Variants in XYLT1 observed in about 807,000 individuals in gnomAD.
The protein encoded by XYLT1 is xylosyltransferase 1.
A neutral mutation model predicts 91.3 loss-of-function variants in XYLT1; 36 were observed. That is an observed-to-expected ratio of 0.39 (90% CI 0.30 to 0.52). XYLT1 has a LOEUF of 0.52. Among genes scored for constraint, XYLT1 ranks in the 20% least tolerant of loss-of-function variants. The probability of loss-of-function intolerance (pLI) is 0.68; values close to 1 mark genes in which losing one functional copy is unlikely to be tolerated. For synonymous variants in XYLT1, 588 were observed against 532.0 expected, an observed-to-expected ratio of 1.11 and a Z score of -1.45; for missense variants, 1,242 against 1,284.5, an observed-to-expected ratio of 0.97 and a Z score of 0.51.
chr16:17,191,303 C>T (rs887018734), intron 5 of XYLT1, among the ~76,000 whole-genome samples: 12 of 152,196 alleles, frequency 7.9e-5, no homozygotes, highest in Admixed American at 2.0e-4. Context: ...TTGACCTATT[C>T]GGGTTCCACT....
chr16:17,290,988 G>A (rs933478486), intron 2 of XYLT1, among the ~76,000 whole-genome samples: 14 of 152,166 alleles, frequency 9.2e-5, no homozygotes, highest in Admixed American at 9.2e-4. Context: ...AGGCTGGAGT[G>A]CAATGGCGCA....
At chr16:17,289,865 C>A (rs1470104977) in intron 2 of XYLT1, among the ~76,000 whole-genome samples, 1 of 152,230 alleles carries the variant, frequency 6.6e-6, no homozygotes, top group Non-Finnish European at 1.5e-5. Context: ...CACACCCCGT[C>A]TCTGGGGCAA....
intron 9 of XYLT1, among the ~76,000 whole-genome samples, chr16:17,131,528 C>A (rs1451173282): frequency 6.6e-6 from 1 of 152,176 alleles, no homozygotes; most frequent in African/African-American, 2.4e-5. Flanking sequence ...GCAGGGGGCA[C>A]ACTGAGTGAT....
chr16:17,337,933 C>T (rs1024825493), intron 2 of XYLT1, among the ~76,000 whole-genome samples: 2 of 152,014 alleles, frequency 1.3e-5, no homozygotes, highest in Admixed American at 6.5e-5. Flanking sequence ...TGCGCCACCA[C>T]GTCCGGCTAA....
intron 1 of XYLT1, among the ~76,000 whole-genome samples, chr16:17,427,840 T>A (rs575520658): frequency 1.2e-4 from 18 of 152,018 alleles, no homozygotes; most frequent in East Asian, 3.9e-4. Flanking sequence ...TTTTTTTTTT[T>A]AAAACGTTCA....
At chr16:17,434,422 A>G (rs1259499840) in intron 1 of XYLT1, among the ~76,000 whole-genome samples, 1 of 152,236 alleles carries the variant, frequency 6.6e-6, no homozygotes, top group African/African-American at 2.4e-5. Flanking sequence ...TGTCTTTCGT[A>G]AGTATGCAAT....
At chr16:17,298,397 G>T (rs1223973870) in intron 2 of XYLT1, among the ~76,000 whole-genome samples, 1 of 152,166 alleles carries the variant, frequency 6.6e-6, no homozygotes, top group Non-Finnish European at 1.5e-5. Context: ...GGTGGCGAGT[G>T]CCCTCACTGT....
At chr16:17,431,267 C>T (rs1377563137) in intron 1 of XYLT1, among the ~76,000 whole-genome samples, 4 of 152,128 alleles carry the variant, frequency 2.6e-5, no homozygotes, top group African/African-American at 9.7e-5. Flanking sequence ...TGGCTTAGAG[C>T]GGCGCTTCTC....
At chr16:17,279,394 G>GAGTAA (rs1374433738) in intron 2 of XYLT1, among the ~76,000 whole-genome samples, 1 of 152,148 alleles carries the variant, frequency 6.6e-6, no homozygotes, top group Non-Finnish European at 1.5e-5. Flanking sequence ...TTCAACATTT[G>GAGTAA]AGTAAACAGA....
In XYLT1 at chr16:17,330,709, G is replaced by A. The variant is rs115923690; in HGVS notation, c.402+27303C>T. 6.1e-3 allele frequency among the ~76,000 whole-genome samples: 923 copies of A among 151,908 alleles called. 9 individuals carry two copies. The highest frequency in any genetic ancestry group is 0.021 in the African/African-American group (874 of 41,404). On this transcript the variant is annotated intron_variant, in intron 2 of 11. Coordinates refer to ENST00000261381, the MANE Select transcript of XYLT1 (RefSeq NM_022166.4). ...CTCGGGAGGCTGAGGCAGGAGAATC[G>A]CTTGAACCCGGGAGGCGGAGGTAGT...
chr16:17,141,060 C>T (rs2030958218), intron 7 of XYLT1, 93 bp downstream of exon 7: 6 of 1,291,630 alleles, frequency 4.6e-6, no homozygotes, highest in Admixed American at 3.7e-5. Flanking sequence ...TAGGTGGACC[C>T]AGAATCTCTT....
At chr16:17,123,293 G>C (rs2030138294) in intron 10 of XYLT1, among the ~76,000 whole-genome samples, 1 of 152,108 alleles carries the variant, frequency 6.6e-6, no homozygotes. Context: ...TCTCCTTGGT[G>C]GGTTTGGGTT....
At chr16:17,366,707 C>A (rs1284259961) in intron 1 of XYLT1, among the ~76,000 whole-genome samples, 3 of 152,080 alleles carry the variant, frequency 2.0e-5, no homozygotes, top group African/African-American at 7.2e-5. Context: ...AACAAACAAA[C>A]AAACAAACAA....
intron 2 of XYLT1, among the ~76,000 whole-genome samples, chr16:17,332,246 T>C (rs2141839215): frequency 6.6e-6 from 1 of 152,198 alleles, no homozygotes; most frequent in South Asian, 2.1e-4. Context: ...ACTTCAACCA[T>C]GGGGTGAAGT....
At chr16:17,237,092 C>G (rs1463461) in intron 3 of XYLT1, among the ~76,000 whole-genome samples, 85,846 of 152,018 alleles carry the variant, frequency 0.56, 25,244 homozygotes, top group Admixed American at 0.69. Flanking sequence ...GAACAATGTT[C>G]AGGTGAGTCT....
At chr16:17,138,955 T>TTGA (rs2030875274) in intron 7 of XYLT1, among the ~76,000 whole-genome samples, 1 of 152,138 alleles carries the variant, frequency 6.6e-6, no homozygotes, top group Admixed American at 6.5e-5. Flanking sequence ...GGAGACCAGA[T>TTGA]TGATGGTTGC....
rs1467329663 is a variant in XYLT1 at position 17,158,865 on chromosome 16, A to G, written c.1334T>C (p.Met445Thr). The change falls in exon 6 of 12, where the codon ATG (methionine) becomes ACG (threonine). Residue 445 changes from methionine (M) to threonine (T), a missense_variant. This residue lies in a region of XYLT1 where 294 missense variants were observed against 376.0 expected (regional missense o/e 0.78). Transcript: ENST00000261381. ...CCGGCCGTGTGACTTCAAGAAATTC[A>G]TATCTCGGTATCGGGAGAGAAACGC... ...LVAFLSRYRD[M>T]NFLKSHGRDN... The G allele has an allele frequency of 1.9e-6, 3 of 1,613,960 alleles. No individual in the cohort carries two copies. The highest frequency in any genetic ancestry group is 1.1e-5 in the South Asian group (1 of 91,050).
At chr16:17,325,767 T>C (rs942294686) in intron 2 of XYLT1, among the ~76,000 whole-genome samples, 5 of 152,216 alleles carry the variant, frequency 3.3e-5, no homozygotes, top group Admixed American at 3.3e-4. Flanking sequence ...TACCCTAATC[T>C]GGCTACTTAC....
intron 3 of XYLT1, among the ~76,000 whole-genome samples, chr16:17,205,876 C>T (rs555591384): frequency 4.6e-5 from 7 of 152,274 alleles, no homozygotes; most frequent in Non-Finnish European, 8.8e-5. Context: ...GGGCTGCTTC[C>T]GGCTGCTGCA....
Sources: allele counts gnomAD v4.1 joint callset (sites outside exome capture counted in the v4.1 genomes callset), GRCh38; gene constraint gnomAD v4.1.1; regional missense constraint gnomAD v4.1.1; transcripts MANE v1.5; gene names NCBI Gene and HGNC (gene_info 2026-07-23, HGNC 2026-07-21).